C11orf16: variants seen among roughly 807,000 people sequenced by gnomAD.
C11orf16 encodes uncharacterized protein C11orf16.
Under a neutral mutation model 45.1 loss-of-function variants are expected in C11orf16, and 38 were observed. That is an observed-to-expected ratio of 0.84 (90% CI 0.65 to 1.10). The LOEUF is 1.10. C11orf16 is among the 50% of genes least tolerant of loss of function. The probability of loss-of-function intolerance (pLI) is 0.00; values close to 1 mark genes in which losing one functional copy is unlikely to be tolerated. For missense variants in C11orf16, 583 were observed against 569.5 expected (o/e 1.02, Z -0.24); for synonymous variants, 221 against 222.0 (o/e 1.00, Z 0.04).
In C11orf16 at chr11:8,921,436, G is replaced by C. The variant is rs1464575745; in HGVS notation, c.1284C>G (p.Thr428=). Residue 428 remains threonine (T), a synonymous_variant, in exon 6 of 7, where the codon ACC becomes ACG. Coordinates refer to ENST00000326053, the MANE Select transcript of C11orf16 (RefSeq NM_020643.3). ...GGGTTGCTTTCGAGACCAGCTCCTTGGTAGTCCCCACTACTGCAGTTTGTG... is the reference window on the plus strand; with the variant it reads ...GGGTTGCTTTCGAGACCAGCTCCTTCGTAGTCCCCACTACTGCAGTTTGTG... ...QRAQTAVVGT[T]KELVSKATHM... The C allele has an allele frequency of 6.2e-7, 1 of 1,614,166 alleles. No homozygotes were observed. Among genetic ancestry groups the C allele is most frequent in the Non-Finnish European group, 8.5e-7 (1 of 1,180,002 alleles).
intron 4 of C11orf16, among the ~76,000 whole-genome samples, 196 bp from the exon 5 acceptor site, chr11:8,926,303 G>A (rs556176102): frequency 1.4e-3 from 201 of 146,488 alleles, no homozygotes; most frequent in African/African-American, 4.6e-3. Flanking sequence ...CTCAGCCTCC[G>A]AAGTAGCTTC....
In C11orf16 at chr11:8,926,940, C is replaced by G. The variant is rs755303099; in HGVS notation, c.559G>C (p.Ala187Pro). The change falls in exon 4 of 7, where the codon GCA becomes CCA. Residue 187 changes from alanine (A) to proline (P), a missense_variant and splice_region_variant. Coordinates refer to ENST00000326053, the MANE Select transcript of C11orf16 (RefSeq NM_020643.3). ...LGLEMRDPQR[A>P]SKEKEITVHF... The stretch of plus-strand genomic sequence containing the variant: ...GATGGGTCAGAGCAGCTTCTCTTAC[C>G]TCTCTGGGGATCTCTCATCTCCAAG... The G allele has an allele frequency of 1.2e-6, 2 of 1,612,522 alleles. No homozygotes were observed. The highest frequency in any genetic ancestry group is 1.7e-5 in the Admixed American group (1 of 60,004).
chr11:8,925,189 T>C (rs1165829795), intron 5 of C11orf16, among the ~76,000 whole-genome samples: 1 of 152,232 alleles, frequency 6.6e-6, no homozygotes, highest in Admixed American at 6.5e-5. Context: ...CAGTAGAGAC[T>C]AGTGAAGAAA....
chr11:8,931,714 T>C (rs916759354), intron 2 of C11orf16, among the ~76,000 whole-genome samples: 1 of 151,966 alleles, frequency 6.6e-6, no homozygotes, highest in African/African-American at 2.4e-5. Context: ...TTTTAGTAGA[T>C]GGGGTTTTGC....
chr11:8,924,738 C>A (rs2064598233), intron 5 of C11orf16, among the ~76,000 whole-genome samples: 1 of 152,188 alleles, frequency 6.6e-6, no homozygotes, highest in Non-Finnish European at 1.5e-5. Context: ...GACCCCAGGA[C>A]TCCCAGAATC....
Position 8,927,119 on chromosome 11 carries a change from G to A in C11orf16, c.380C>T (p.Pro127Leu). The A allele has an allele frequency of 1.2e-6, 2 of 1,614,084 alleles. No individual in the cohort carries two copies. Among genetic ancestry groups the A allele is most frequent in the African/African-American group, 1.3e-5 (1 of 75,030 alleles). The change falls in exon 4 of 7, where the codon CCA (proline) becomes CTA (leucine). Residue 127 changes from proline (P) to leucine (L), a missense_variant. Pro to Leu is a moderately conservative substitution (Grantham distance 98). Transcript: ENST00000326053. ...TCTCTGCTGCTGGGCTGGCAGCTTT[G>A]GGCCTGCGACAAGAGGAGCCTCGAA... The part of the protein sequence containing the change: ...VEFEAPLVAG[P>L]KLPAQQQRVV...
intron 5 of C11orf16, 82 bp from the exon 6 acceptor site, chr11:8,921,597 G>T: frequency 2.5e-6 from 3 of 1,208,798 alleles, no homozygotes; most frequent in Non-Finnish European, 2.4e-6. Context: ...GATCACTGAA[G>T]TATCTGTAAG....
chr11:8,920,557 C>T (rs984985828), intron 6 of C11orf16, 107 bp from the exon 7 acceptor site: 60 of 561,294 alleles, frequency 1.1e-4, no homozygotes, highest in Non-Finnish European at 1.8e-4. Flanking sequence ...TGCGGTGGCT[C>T]ATACCTGTAA....
intron 6 of C11orf16, among the ~76,000 whole-genome samples, chr11:8,920,868 T>A (rs1379398468): frequency 6.6e-6 from 1 of 152,210 alleles, no homozygotes; most frequent in East Asian, 1.9e-4. Flanking sequence ...GTCTTGAAGC[T>A]GCCACAGCAG....
chr11:8,927,143 A>C lies in C11orf16; in HGVS notation c.356T>G (p.Phe119Cys). 6.2e-7 allele frequency: 1 copy of C among 1,614,024 alleles called. No individual in the cohort carries two copies. The change falls in exon 4 of 7, where the codon TTC becomes TGC. Residue 119 changes from phenylalanine to cysteine, a missense_variant. Transcript: ENST00000326053. ...LERQGVLLVE[F>C]EAPLVAGPKL... ...TGGGCCTGCGACAAGAGGAGCCTCG[A>C]ATTCCACAAGCAGGACCCCCTGTCT...
intron 6 of C11orf16, 28 bp downstream of exon 6, chr11:8,921,266 A>G (rs758799138): frequency 6.3e-7 from 1 of 1,590,816 alleles, no homozygotes; most frequent in Non-Finnish European, 8.6e-7. Context: ...AGTCCTTAGG[A>G]AGCCCCTTTC....
intron 5 of C11orf16, 60 bp downstream of exon 5, chr11:8,925,403 G>T (rs3751068): frequency 0.61 from 888,298 of 1,465,558 alleles, 272,241 homozygotes; most frequent in East Asian, 0.73. Flanking sequence ...ACATGTGGGA[G>T]GGAAGGGAGG....
chr11:8,926,411 C>G (rs889104970), intron 4 of C11orf16, among the ~76,000 whole-genome samples: 1 of 152,054 alleles, frequency 6.6e-6, no homozygotes, highest in African/African-American at 2.4e-5. Flanking sequence ...TCCTCACATG[C>G]ACCTCTCCGT....
At position 8,925,443 on chromosome 11, in the gene C11orf16, A is replaced by G. The variant is rs1306797457; in HGVS notation, c.1204+20T>C. 1 of 1,599,396 alleles carries G rather than the reference A, an allele frequency of 6.3e-7. No individual in the cohort carries two copies. Among genetic ancestry groups the G allele is most frequent in the South Asian group, 1.1e-5 (1 of 89,936 alleles). On this transcript the variant is annotated intron_variant, in intron 5 of 6. Coordinates refer to ENST00000326053, the MANE Select transcript of C11orf16 (RefSeq NM_020643.3). ...GCCCCAGCCCCTGCCTTAGAAAGCA[A>G]GCCCACTCCCCTGGTATACCTGGCT... is the stretch of plus-strand genomic sequence containing the variant.
intron 4 of C11orf16, among the ~76,000 whole-genome samples, chr11:8,926,382 G>A (rs1378485698): frequency 6.6e-6 from 1 of 151,758 alleles, no homozygotes; most frequent in East Asian, 1.9e-4. Flanking sequence ...GCCTGGCCCC[G>A]CTGCTCTGGC....
chr11:8,927,396 C>G (rs1056303405), intron 3 of C11orf16: 1 of 580,696 alleles, frequency 1.7e-6, no homozygotes, highest in Non-Finnish European at 3.1e-6. Flanking sequence ...CTTCCTGCCT[C>G]GGGCAACTCT....
chr11:8,932,335 A>G lies in C11orf16; in HGVS notation c.-18-9T>C. ...GCCTTCAGAGGATCCACCTGAGAATAGGCACCACCATTACCTGAGCTGCAG... is the reference window on the plus strand; with the variant it reads ...GCCTTCAGAGGATCCACCTGAGAATGGGCACCACCATTACCTGAGCTGCAG... On this transcript the variant is annotated splice_polypyrimidine_tract_variant and intron_variant, in intron 1 of 6. Transcript: ENST00000326053. 1 of 1,562,516 alleles carries G rather than the reference A, an allele frequency of 6.4e-7. No individual in the cohort carries two copies. The highest frequency in any genetic ancestry group is 1.9e-5 in the Admixed American group (1 of 53,876).
Position 8,921,387 on chromosome 11 carries a change from G to T in C11orf16, c.1333C>A (p.Pro445Thr). The T allele has an allele frequency of 2.5e-6, 4 of 1,614,180 alleles. No homozygotes were observed. In the South Asian group the frequency reaches 4.4e-5, roughly 18 times the overall value. Reference protein sequence around the residue: ...ATHMKPPRTPPGEAEHRKRSQ... With the variant: ...ATHMKPPRTPTGEAEHRKRSQ... ...CGCTTTCTGTGTTCAGCTTCCCCTG[G>T]CGGGGTCCGCGGTGGCTTCATGTGG... The change falls in exon 6 of 7, where the codon CCA (proline) becomes ACA (threonine). Residue 445 changes from proline (P) to threonine (T), a missense_variant. Transcript: ENST00000326053.
intron 6 of C11orf16, 77 bp from the exon 7 acceptor site, chr11:8,920,527 A>T (rs749937181): frequency 3.9e-5 from 24 of 615,060 alleles, no homozygotes; most frequent in Admixed American, 2.7e-4. Flanking sequence ...GATTTTAAAA[A>T]GTCATTGATT....
Sources: gnomAD v4.1 joint callset for allele counts (sites outside exome capture counted in the v4.1 genomes callset) on GRCh38, gnomAD v4.1.1 for gene constraint, MANE v1.5 for transcripts, NCBI Gene and HGNC (gene_info 2026-07-23, HGNC 2026-07-21) for gene names.